Variants in IGFL4 observed in about 807,000 individuals in gnomAD.
IGFL4 encodes IGF like family member 4, also known as insulin growth factor-like family member 4.
A neutral mutation model predicts 15.4 loss-of-function variants in IGFL4; 12 were observed. That is an observed-to-expected ratio of 0.78 (90% CI 0.50 to 1.26). The LOEUF (loss-of-function observed/expected upper bound fraction) is 1.26, where lower values mean the gene tolerates loss of function less well. Ranked by LOEUF, IGFL4 falls within the 50% of genes most tolerant of loss-of-function variation. The pLI, the probability that IGFL4 is intolerant of heterozygous loss-of-function variation, is 0.00. For missense variants in IGFL4, 126 were observed against 147.8 expected, an observed-to-expected ratio of 0.85 and a Z score of 0.76; for synonymous variants, 54 against 55.9, an observed-to-expected ratio of 0.97 and a Z score of 0.16.
In IGFL4 at chr19:46,040,089, G is replaced by T; in HGVS notation, c.330+68C>A. On this transcript the variant is annotated intron_variant, in intron 3 of 3. Transcript: ENST00000377697. This position sits in a 1 kb window ranked among gnomAD's most constrained non-coding sequence, Gnocchi z 4.1. ...CAGCAGAGACTGCACATCTGGGTGG[G>T]ACATGGACAACCAAGCTCCATTCCC... is the stretch of plus-strand genomic sequence containing the variant. 6.3e-7 allele frequency: 1 copy of T among 1,587,998 alleles called. No individual in the cohort carries two copies. The highest frequency in any genetic ancestry group is 8.6e-7 in the Non-Finnish European group (1 of 1,158,960).
chr19:46,058,263 C>CATTTCTCTGAAGATCAATGATATTGAACA (rs1487994705), intron 2 of IGFL4: 1 of 152,020 alleles, frequency 6.6e-6, no homozygotes, highest in African/African-American at 2.4e-5. Context: ...GGCTACAGGC[C>CATTTCTCTGAAGATCAATGATATTGAACA]CCATGCAAGT....
chr19:46,044,204 A>G (rs1380057307), upstream of IGFL4, among the ~76,000 whole-genome samples: 2 of 152,070 alleles, frequency 1.3e-5, no homozygotes, highest in Non-Finnish European at 2.9e-5. Context: ...TCCCCACATA[A>G]GCCCACGCCC....
At chr19:46,063,309 A>G (rs1351160505) in intron 1 of IGFL4, among the ~76,000 whole-genome samples, 1 of 149,718 alleles carries the variant, frequency 6.7e-6, no homozygotes, top group Non-Finnish European at 1.5e-5. Context: ...TCTCTATTCA[A>G]AAGAACATTT....
chr19:46,069,283 C>G (rs117687892), intron 1 of IGFL4, among the ~76,000 whole-genome samples: 10 of 152,190 alleles, frequency 6.6e-5, no homozygotes, highest in Non-Finnish European at 1.5e-5. Flanking sequence ...TGCTCTGTCT[C>G]TTCCTACCCT....
In IGFL4 at chr19:46,040,917, C is replaced by T; in HGVS notation, c.19+27G>A. ...GGGATGTGATATCATTAGGGATTAG[C>T]TTAGCCTAGGGCTGGGGTCTCCTTA... is the stretch of plus-strand genomic sequence containing the variant. On this transcript the variant is annotated intron_variant, in intron 1 of 3. Coordinates refer to ENST00000377697, the MANE Select transcript of IGFL4 (RefSeq NM_001002923.3). The surrounding 1 kb of genome is among the most constrained non-coding windows in gnomAD (Gnocchi z 4.1). 2 of 1,581,570 alleles carry T rather than the reference C, an allele frequency of 1.3e-6. No individual in the cohort carries two copies. Among genetic ancestry groups the T allele is most frequent in the South Asian group, 1.2e-5 (1 of 86,248 alleles).
chr19:46,039,833 G>T lies in IGFL4; in HGVS notation c.*59C>A. ...TCACAACAACAACAAAATCAATGCA[G>T]TATAATTACCAAGTATTAGATTCTA... On this transcript the variant is annotated 3_prime_UTR_variant, in exon 4 of 4. Coordinates refer to ENST00000377697, the MANE Select transcript of IGFL4 (RefSeq NM_001002923.3). The T allele has an allele frequency of 7.2e-7, 1 of 1,393,030 alleles. No individual in the cohort carries two copies. Among genetic ancestry groups the T allele is most frequent in the Non-Finnish European group, 1.0e-6 (1 of 978,716 alleles). 86.3% of individuals were successfully genotyped at this position (1,393,030 alleles called of 1,614,324 possible). A position where few individuals can be genotyped will look rare whatever the true frequency, so the allele number is the denominator to read the frequency against.
chr19:46,043,557 A>T (rs1208666769), upstream of IGFL4, among the ~76,000 whole-genome samples: 1 of 152,238 alleles, frequency 6.6e-6, no homozygotes, highest in Admixed American at 6.5e-5. Context: ...CTCCAGCTAC[A>T]CTAATGAAGA....
rs1194893952 is a variant in IGFL4 at position 46,040,142 on chromosome 19, G to C, written c.330+15C>G. 2 of 1,612,710 alleles carry C rather than the reference G, an allele frequency of 1.2e-6. No individual in the cohort carries two copies. The highest frequency in any genetic ancestry group is 1.7e-6 in the Non-Finnish European group (2 of 1,179,452). On this transcript the variant is annotated intron_variant, in intron 3 of 3. Transcript: ENST00000377697. This position sits in a 1 kb window ranked among gnomAD's most constrained non-coding sequence, Gnocchi z 4.1. ...CTCCCCCCTCCCACAGCCTGGACTG[G>C]AGTCAGATCCTTACCTGGGCACAGA...
chr19:46,048,968 C>T (rs1216869890), intron 2 of IGFL4, among the ~76,000 whole-genome samples: 1 of 152,182 alleles, frequency 6.6e-6, no homozygotes, highest in African/African-American at 2.4e-5. Flanking sequence ...CAAGACAATC[C>T]TAAGCAAAAA....
upstream of IGFL4, among the ~76,000 whole-genome samples, chr19:46,044,882 G>A (rs80115619): frequency 0.029 from 3,780 of 128,654 alleles, 71 homozygotes; most frequent in Non-Finnish European, 0.051. Context: ...GCAGCCCTGT[G>A]GAATAGTGGC....
At chr19:46,076,254 T>C (rs540003998) in intron 1 of IGFL4, among the ~76,000 whole-genome samples, 1 of 152,320 alleles carries the variant, frequency 6.6e-6, no homozygotes, top group South Asian at 2.1e-4. Flanking sequence ...AGTTTCAACG[T>C]GAATCTTGGA....
chr19:46,069,703 T>C (rs1049043271), intron 1 of IGFL4, among the ~76,000 whole-genome samples: 1 of 152,224 alleles, frequency 6.6e-6, no homozygotes, highest in Non-Finnish European at 1.5e-5. Context: ...ATTATGTAGG[T>C]TGTTTGCAAT....
chr19:46,048,622 A>G (rs938433101), intron 2 of IGFL4, among the ~76,000 whole-genome samples: 1 of 152,138 alleles, frequency 6.6e-6, no homozygotes, highest in African/African-American at 2.4e-5. Context: ...ATACACCAAC[A>G]ACAGGCAAGC....
intron 2 of IGFL4, among the ~76,000 whole-genome samples, chr19:46,050,820 C>T (rs1421644883): frequency 6.6e-6 from 1 of 152,160 alleles, no homozygotes; most frequent in African/African-American, 2.4e-5. Context: ...GCTCAACGGA[C>T]ACCTGGGAAA....
chr19:46,074,745 C>T (rs1237036936), intron 1 of IGFL4, among the ~76,000 whole-genome samples: 1 of 152,212 alleles, frequency 6.6e-6, no homozygotes, highest in Non-Finnish European at 1.5e-5. Context: ...TCGGGTCTGC[C>T]TTTCCCAACC....
upstream of IGFL4, among the ~76,000 whole-genome samples, chr19:46,043,062 A>G (rs945167706): frequency 5.3e-5 from 8 of 152,176 alleles, 1 homozygote; most frequent in African/African-American, 1.9e-4. Context: ...CCTACCCCCA[A>G]AGCTCCGGGA....
intron 2 of IGFL4, among the ~76,000 whole-genome samples, chr19:46,053,577 A>G (rs1256313753): frequency 6.6e-6 from 1 of 152,154 alleles, no homozygotes; most frequent in African/African-American, 2.4e-5. Flanking sequence ...TACTGCAATA[A>G]ACATGGAGGT....
At chr19:46,067,754 T>G (rs1018923960) in intron 1 of IGFL4, among the ~76,000 whole-genome samples, 6 of 152,040 alleles carry the variant, frequency 3.9e-5, no homozygotes, top group Non-Finnish European at 8.8e-5. Flanking sequence ...CCAGGTTTGT[T>G]TCTCTCTGGG....
In IGFL4 at chr19:46,040,120, C is replaced by G; in HGVS notation, c.330+37G>C. 6.2e-7 allele frequency: 1 copy of G among 1,609,684 alleles called. No individual in the cohort carries two copies. The highest frequency in any genetic ancestry group is 2.2e-5 in the East Asian group (1 of 44,824). Reference sequence around the variant, plus strand: ...GACAACCAAGCTCCATTCCCTACTCCCCCCTCCCACAGCCTGGACTGGAGT... The same window carrying G: ...GACAACCAAGCTCCATTCCCTACTCGCCCCTCCCACAGCCTGGACTGGAGT... On this transcript the variant is annotated intron_variant, in intron 3 of 3. Coordinates refer to ENST00000377697, the MANE Select transcript of IGFL4 (RefSeq NM_001002923.3). This position sits in a 1 kb window ranked among gnomAD's most constrained non-coding sequence, Gnocchi z 4.1.
Sources: gnomAD v4.1 joint callset for allele counts (sites outside exome capture counted in the v4.1 genomes callset) on GRCh38, gnomAD v4.1.1 for gene constraint, Gnocchi (gnomAD v3.1) non-coding constraint, MANE v1.5 for transcripts, NCBI Gene and HGNC (gene_info 2026-07-23, HGNC 2026-07-21) for gene names.